Variants in PDE4B observed in about 807,000 individuals in gnomAD.
PDE4B encodes phosphodiesterase 4B, also known as 3',5'-cyclic-AMP phosphodiesterase 4B.
PDE4B carries 20 observed loss-of-function variants against 82.2 expected under a neutral mutation model. The ratio of observed to expected loss-of-function variants is 0.24; its 90% CI spans 0.17 to 0.35. PDE4B has a LOEUF of 0.35. PDE4B is among the 10% of genes least tolerant of loss of function. PDE4B has a pLI of 1.00. For missense variants in PDE4B, 655 were observed against 907.2 expected, an observed-to-expected ratio of 0.72 and a Z score of 3.57; for synonymous variants, 320 against 318.9, an observed-to-expected ratio of 1.00 and a Z score of -0.04.
At chr1:66,363,723 G>C in intron 12 of PDE4B, 152 bp downstream of exon 12, 1 of 549,386 alleles carries the variant, frequency 1.8e-6, no homozygotes, top group Non-Finnish European at 3.1e-6. Flanking sequence ...GTTACAGTGA[G>C]CTATGATTGC....
chr1:66,146,879 G>A (rs942122400), intron 3 of PDE4B, among the ~76,000 whole-genome samples: 5 of 152,066 alleles, frequency 3.3e-5, no homozygotes, highest in African/African-American at 1.2e-4. Context: ...GTACTTTCTT[G>A]TTCCTATTGC....
intron 3 of PDE4B, among the ~76,000 whole-genome samples, chr1:65,958,296 GC>G (rs1336972380): frequency 1.3e-5 from 2 of 151,726 alleles, no homozygotes; most frequent in African/African-American, 4.8e-5. Context: ...ATGATAAACT[GC>G]CTTTTCCTTC....
intron 7 of PDE4B, among the ~76,000 whole-genome samples, chr1:66,322,030 C>T (rs1433243533): frequency 6.6e-6 from 1 of 152,122 alleles, no homozygotes; most frequent in African/African-American, 2.4e-5. Flanking sequence ...ATATCTACAA[C>T]CTCTGATCTT....
At chr1:66,200,949 T>C in intron 3 of PDE4B, among the ~76,000 whole-genome samples, 1 of 152,192 alleles carries the variant, frequency 6.6e-6, no homozygotes, top group East Asian at 1.9e-4. Context: ...TGCTTCCAGT[T>C]TTTGCCCATT....
chr1:66,087,939 A>G (rs1244832748), intron 3 of PDE4B, among the ~76,000 whole-genome samples: 2 of 151,630 alleles, frequency 1.3e-5, no homozygotes, highest in African/African-American at 4.8e-5. Flanking sequence ...TAGTGGGTGC[A>G]GCACACCAGC....
chr1:66,095,512 A>G (rs924680900), intron 3 of PDE4B, among the ~76,000 whole-genome samples: 2 of 151,904 alleles, frequency 1.3e-5, no homozygotes, highest in East Asian at 3.9e-4. Context: ...TCTTGCCTTG[A>G]ACTAAAAAAG....
chr1:65,796,955 A>ATTTT (rs71058430), intron 1 of PDE4B, among the ~76,000 whole-genome samples: 3 of 131,194 alleles, frequency 2.3e-5, no homozygotes, highest in Non-Finnish European at 4.8e-5. Context: ...AGCCTGAAAC[A>ATTTT]TTTTTTTTTT....
chr1:66,330,666 A>C (rs996054056), intron 7 of PDE4B: 1 of 503,990 alleles, frequency 2.0e-6, no homozygotes, highest in Non-Finnish European at 2.6e-6. Context: ...TATTAGAGGC[A>C]GGGAATGAGA....
At chr1:66,215,915 G>T (rs939940225) in intron 3 of PDE4B, among the ~76,000 whole-genome samples, 2 of 152,162 alleles carry the variant, frequency 1.3e-5, no homozygotes, top group Non-Finnish European at 2.9e-5. Context: ...TGAGCCAGTG[G>T]TGAGGGGAAG....
At chr1:66,302,121 C>G (rs575823752) in intron 7 of PDE4B, among the ~76,000 whole-genome samples, 2 of 152,272 alleles carry the variant, frequency 1.3e-5, no homozygotes, top group African/African-American at 4.8e-5. Context: ...CTGTCCTATA[C>G]TCATTTCTGG....
chr1:66,049,959 C>A (rs527661756), intron 3 of PDE4B, among the ~76,000 whole-genome samples: 3 of 152,104 alleles, frequency 2.0e-5, no homozygotes, highest in African/African-American at 7.2e-5. Context: ...AAACTCCACA[C>A]AAATAAATAA....
intron 1 of PDE4B, among the ~76,000 whole-genome samples, chr1:65,870,978 T>C (rs910273405): frequency 6.6e-6 from 1 of 152,136 alleles, no homozygotes; most frequent in African/African-American, 2.4e-5. Flanking sequence ...GAAGAATCGG[T>C]AAGACTGAAG....
At chr1:65,960,245 TTG>T (rs2100594886) in intron 3 of PDE4B, among the ~76,000 whole-genome samples, 1 of 152,190 alleles carries the variant, frequency 6.6e-6, no homozygotes, top group East Asian at 1.9e-4. Flanking sequence ...GTATTTGCTT[TTG>T]TGTGGCAGCG....
At chr1:66,240,049 A>G (rs1185029531) in intron 3 of PDE4B, among the ~76,000 whole-genome samples, 2 of 152,224 alleles carry the variant, frequency 1.3e-5, no homozygotes, top group East Asian at 3.8e-4. Context: ...GCCCTGTGGA[A>G]GGCATTCTAG....
At chr1:66,078,520 T>G (rs531827680) in intron 3 of PDE4B, among the ~76,000 whole-genome samples, 2 of 152,214 alleles carry the variant, frequency 1.3e-5, no homozygotes, top group African/African-American at 4.8e-5. Context: ...TAAAGCCTCT[T>G]TCTTTAATCA....
At chr1:66,158,433 T>A (rs1646544343) in intron 3 of PDE4B, among the ~76,000 whole-genome samples, 1 of 152,110 alleles carries the variant, frequency 6.6e-6, no homozygotes, top group Non-Finnish European at 1.5e-5. Context: ...TCACTAATTG[T>A]CAGGGAAATG....
intron 3 of PDE4B, among the ~76,000 whole-genome samples, chr1:66,089,076 G>T (rs890602511): frequency 6.6e-6 from 1 of 152,038 alleles, no homozygotes; most frequent in Admixed American, 6.6e-5. Flanking sequence ...TAGCCAGTCT[G>T]GTTGGTAAAG....
intron 7 of PDE4B, among the ~76,000 whole-genome samples, chr1:66,325,537 T>G (rs1348068968): frequency 3.3e-5 from 5 of 152,178 alleles, no homozygotes; most frequent in Non-Finnish European, 5.9e-5. Flanking sequence ...GCCACTGACC[T>G]GGTATGTCAG....
At chr1:66,339,824 G>GT (rs956100260) in intron 8 of PDE4B, among the ~76,000 whole-genome samples, 16 of 139,076 alleles carry the variant, frequency 1.2e-4, no homozygotes, top group South Asian at 4.7e-4. Context: ...AAATTGTTTA[G>GT]TTTTTTTTTG....
Sources: gnomAD v4.1 joint callset for allele counts (sites outside exome capture counted in the v4.1 genomes callset) on GRCh38, gnomAD v4.1.1 for gene constraint, MANE v1.5 for transcripts, NCBI Gene and HGNC (gene_info 2026-07-23, HGNC 2026-07-21) for gene names.